Variants in NEDD4 observed in about 807,000 individuals in gnomAD.
The protein encoded by NEDD4 is E3 ubiquitin-protein ligase NEDD4.
In NEDD4, 99 loss-of-function variants were observed where a neutral mutation model predicts 144.9. The ratio of observed to expected loss-of-function variants is 0.68; its 90% CI spans 0.58 to 0.81. The LOEUF (loss-of-function observed/expected upper bound fraction) is 0.81. NEDD4 is among the 30% of genes least tolerant of loss of function. The pLI is 0.00. For missense variants in NEDD4, 985 were observed against 1,065.9 expected, an observed-to-expected ratio of 0.92 and a Z score of 1.06; for synonymous variants, 318 against 350.6, an observed-to-expected ratio of 0.91 and a Z score of 1.04.
At chr15:55,868,857 C>T (rs1423837099) in intron 8 of NEDD4, among the ~76,000 whole-genome samples, 1 of 152,128 alleles carries the variant, frequency 6.6e-6, no homozygotes, top group Admixed American at 6.6e-5. Context: ...AAGAAACCCT[C>T]GAGGTCATCT....
intron 1 of NEDD4, among the ~76,000 whole-genome samples, chr15:55,973,593 C>T (rs1380115059): frequency 6.6e-6 from 1 of 151,522 alleles, no homozygotes; most frequent in Non-Finnish European, 1.5e-5. Context: ...CTGACTACAA[C>T]AGAATAACAC....
chr15:55,860,864 TC>T, intron 9 of NEDD4, 86 bp from the exon 10 acceptor site: 1 of 1,169,674 alleles, frequency 8.5e-7, no homozygotes, highest in Non-Finnish European at 1.2e-6. Flanking sequence ...GGGAAAAAAA[TC>T]TACATTACAT....
At chr15:55,894,458 C>T (rs2035675175) in intron 5 of NEDD4, among the ~76,000 whole-genome samples, 1 of 152,128 alleles carries the variant, frequency 6.6e-6, no homozygotes, top group African/African-American at 2.4e-5. Context: ...ATTCCCCCTG[C>T]AAATACCAAG....
intron 1 of NEDD4, among the ~76,000 whole-genome samples, chr15:55,975,270 G>A (rs1391074745): frequency 6.6e-6 from 1 of 152,016 alleles, no homozygotes; most frequent in East Asian, 1.9e-4. Context: ...AGAAAGGGAA[G>A]CTAAATTAGA....
intron 5 of NEDD4, chr15:55,916,603 A>G (rs769814730): frequency 3.1e-6 from 5 of 1,614,030 alleles, no homozygotes; most frequent in Non-Finnish European, 4.2e-6. Flanking sequence ...ACATTTTCAG[A>G]TGAGGGAACA....
At chr15:55,967,149 T>C (rs1391624320) in intron 1 of NEDD4, among the ~76,000 whole-genome samples, 3 of 152,210 alleles carry the variant, frequency 2.0e-5, no homozygotes, top group Non-Finnish European at 4.4e-5. Flanking sequence ...CCTCCTAAAA[T>C]GTTGAGATTT....
intron 5 of NEDD4, among the ~76,000 whole-genome samples, chr15:55,892,405 C>G (rs2556570): frequency 1.3e-5 from 2 of 151,648 alleles, no homozygotes; most frequent in African/African-American, 2.4e-5. Context: ...TTCTTCACAG[C>G]CAGAGGCCAA....
At chr15:55,973,138 A>G (rs1474487053) in intron 1 of NEDD4, among the ~76,000 whole-genome samples, 1 of 152,224 alleles carries the variant, frequency 6.6e-6, no homozygotes, top group African/African-American at 2.4e-5. Context: ...AAATGGACCT[A>G]ATAGATATTT....
chr15:55,906,076 A>G (rs1248396777), intron 5 of NEDD4, among the ~76,000 whole-genome samples: 1 of 152,136 alleles, frequency 6.6e-6, no homozygotes, highest in Non-Finnish European at 1.5e-5. Context: ...TCAAAACCAC[A>G]ATGAGATACC....
intron 7 of NEDD4, among the ~76,000 whole-genome samples, chr15:55,871,942 G>A (rs1482490905): frequency 1.3e-5 from 2 of 152,014 alleles, no homozygotes; most frequent in Non-Finnish European, 2.9e-5. Flanking sequence ...TTGGGAAAAT[G>A]GAATTATAAG....
At chr15:55,949,702 C>CA (rs1396948684) in intron 4 of NEDD4, among the ~76,000 whole-genome samples, 5 of 151,716 alleles carry the variant, frequency 3.3e-5, no homozygotes, top group East Asian at 1.9e-4. Flanking sequence ...GTCGCAGGGA[C>CA]AAAAAACCAA....
chr15:55,876,997 G>A (rs1321669679), intron 5 of NEDD4, among the ~76,000 whole-genome samples: 2 of 151,640 alleles, frequency 1.3e-5, no homozygotes, highest in Non-Finnish European at 2.9e-5. Flanking sequence ...GAGCCACTGT[G>A]CCCAGCCAAC....
At chr15:55,830,043 G>T in intron 28 of NEDD4, 44 bp from the exon 29 acceptor site, 1 of 1,363,492 alleles carries the variant, frequency 7.3e-7, no homozygotes. Flanking sequence ...CACTGACAAA[G>T]CAAGTACCAC....
chr15:55,940,518 TTCTCTCTCTC>T (rs60338644), intron 4 of NEDD4, among the ~76,000 whole-genome samples: 2 of 106,192 alleles, frequency 1.9e-5, no homozygotes, highest in Admixed American at 1.9e-4. Flanking sequence ...CTCCTCCCCC[TTCTCTCTCTC>T]TCTCTCTCTC....
chr15:55,843,061 A>C (rs576993843), intron 18 of NEDD4, among the ~76,000 whole-genome samples: 3 of 152,282 alleles, frequency 2.0e-5, no homozygotes, highest in South Asian at 4.1e-4. Flanking sequence ...CACGACATCT[A>C]ATGGTTTCTA....
chr15:55,966,406 A>C (rs2037513646), intron 2 of NEDD4, 67 bp downstream of exon 2: 1 of 965,626 alleles, frequency 1.0e-6, no homozygotes, highest in East Asian at 2.9e-5. Context: ...TAATTTAACC[A>C]AAGTTTGGAA....
chr15:55,843,860 G>T (rs1044745464), intron 18 of NEDD4, among the ~76,000 whole-genome samples: 3 of 151,940 alleles, frequency 2.0e-5, no homozygotes, highest in Non-Finnish European at 2.9e-5. Context: ...TGGTATTGTA[G>T]TAGGGCCAAC....
intron 2 of NEDD4, among the ~76,000 whole-genome samples, chr15:55,964,287 T>C (rs538746223): frequency 9.3e-5 from 14 of 150,460 alleles, no homozygotes; most frequent in Non-Finnish European, 1.8e-4. Context: ...TCCTCAAGGC[T>C]CTGTTGTTGT....
At chr15:55,925,349 T>A (rs1207254398) in intron 4 of NEDD4, among the ~76,000 whole-genome samples, 1 of 152,206 alleles carries the variant, frequency 6.6e-6, no homozygotes, top group African/African-American at 2.4e-5. Context: ...TCAGTTTTAT[T>A]TACTTGCTTT....
Sources: allele counts gnomAD v4.1 joint callset (sites outside exome capture counted in the v4.1 genomes callset), GRCh38; gene constraint gnomAD v4.1.1; transcripts MANE v1.5; gene names NCBI Gene and HGNC (gene_info 2026-07-23, HGNC 2026-07-21).